HDLBP: variants seen among roughly 807,000 people sequenced by gnomAD.
HDLBP encodes the protein high density lipoprotein binding protein.
In HDLBP, 30 loss-of-function variants were observed where a neutral mutation model predicts 137.3. That is an observed-to-expected ratio of 0.22 (90% CI 0.16 to 0.30). The LOEUF is 0.30. Ranked by LOEUF, HDLBP falls within the 10% of genes least tolerant of loss-of-function variation. The pLI is 1.00. For missense variants in HDLBP, 1,119 were observed against 1,667.3 expected, an observed-to-expected ratio of 0.67 and a Z score of 5.73; for synonymous variants, 606 against 596.0, an observed-to-expected ratio of 1.02 and a Z score of -0.24.
rs957203217 is a variant in HDLBP, at chr2:241,240,817, C to T, written c.2170-695G>A. Among the ~76,000 whole-genome samples, 6 of 152,156 alleles carry T rather than the reference C, an allele frequency of 3.9e-5. No individual in the cohort carries two copies. The highest frequency in any genetic ancestry group is 1.3e-4 in the Admixed American group (2 of 15,276). ...TGTGGACACCAGTGCTTCTGGCAGA[C>T]CCACGCAGGGGCCCCGAGAAGGGCG... is the stretch of plus-strand genomic sequence containing the variant. On this transcript the variant is annotated intron_variant, in intron 17 of 27. Transcript: ENST00000310931. The surrounding 1 kb of genome is among the most constrained non-coding windows in gnomAD (Gnocchi z 5.5).
rs1275433961 is a variant in HDLBP at position 241,255,128 on chromosome 2, C to T, written c.1111G>A (p.Ala371Thr). 1.9e-6 allele frequency: 3 copies of T among 1,614,046 alleles called. No homozygotes were observed. The highest frequency in any genetic ancestry group is 2.5e-6 in the Non-Finnish European group (3 of 1,179,994). ...ANSFTVSSVA[A>T]PSWLHRFIIG... ...ATGAAACGGTGAAGCCAGGAAGGGGCGGCGACAGAGGAGACGGTGAAGCTA... is the reference window on the plus strand; with the variant it reads ...ATGAAACGGTGAAGCCAGGAAGGGGTGGCGACAGAGGAGACGGTGAAGCTA... The change falls in exon 9 of 28, where the codon GCC becomes ACC. Residue 371 changes from alanine (A) to threonine (T), a missense_variant. Transcript: ENST00000310931.
At chr2:241,288,572 T>C (rs925526040) in intron 1 of HDLBP, among the ~76,000 whole-genome samples, 2 of 152,194 alleles carry the variant, frequency 1.3e-5, no homozygotes, top group Admixed American at 6.5e-5. Flanking sequence ...CCTTAGGGTC[T>C]CCTCCATCTT....
At chr2:241,262,976 C>A in intron 4 of HDLBP, 50 bp from the exon 5 acceptor site, 1 of 1,401,968 alleles carries the variant, frequency 7.1e-7, no homozygotes, top group African/African-American at 1.4e-5. Flanking sequence ...AAAAGAAGGC[C>A]AACAGATAGG....
intron 11 of HDLBP, chr2:241,250,625 G>A (rs767510239): frequency 6.6e-6 from 1 of 152,592 alleles, no homozygotes; most frequent in Non-Finnish European, 1.5e-5. Context: ...AACAAGGCAG[G>A]AATCTTGCCC....
chr2:241,239,515 C>CA lies in HDLBP; in HGVS notation c.2610+86_2610+87insT. The CA allele has an allele frequency of 9.0e-7, 1 of 1,113,890 alleles. No individual in the cohort carries two copies. The allele number at this position is 1,113,890 out of a possible 1,614,324, so 69.0% of individuals were successfully genotyped here. The stretch of plus-strand genomic sequence containing the variant: ...AGGGCTGTATGAGGGAGTCACCTCC[C>CA]TACAGGGTGGAGCGAACACTCATAC... On this transcript the variant is annotated intron_variant, in intron 19 of 27. Transcript: ENST00000310931. The surrounding 1 kb of genome is among the most constrained non-coding windows in gnomAD (Gnocchi z 4.6).
At chr2:241,241,670 A>C (rs1427129497) in intron 17 of HDLBP, among the ~76,000 whole-genome samples, 1 of 151,852 alleles carries the variant, frequency 6.6e-6, no homozygotes, top group African/African-American at 2.4e-5. Context: ...AGGTCAACAT[A>C]CAAAAACCAC....
chr2:241,235,108 A>ACCTCCTGCTCACCCGGT lies in HDLBP; in HGVS notation c.3140_3144+12dup. 1 of 1,610,968 alleles carries ACCTCCTGCTCACCCGGT rather than the reference A, an allele frequency of 6.2e-7. No individual in the cohort carries two copies. The highest frequency in any genetic ancestry group is 8.5e-7 in the Non-Finnish European group (1 of 1,179,668). On this transcript the variant is annotated intron_variant, in intron 23 of 27. Transcript: ENST00000310931. ...CATGGCTCTGGGCAGTGCCCCGGCC[A>ACCTCCTGCTCACCCGGT]CCTCCTGCTCACCCGGTCCTCCTGC...
chr2:241,229,495 C>T lies in HDLBP; in HGVS notation c.*106G>A, dbSNP rs1008475240. 6.2e-6 allele frequency: 5 copies of T among 803,884 alleles called. No homozygotes were observed. The highest frequency in any genetic ancestry group is 5.2e-5 in the African/African-American group (3 of 58,224). The allele number at this position is 803,884 out of a possible 1,614,324, so 49.8% of individuals were successfully genotyped here. A position where few individuals can be genotyped will look rare whatever the true frequency, so the allele number is the denominator to read the frequency against. ...GCGGGACCTCGGGAAGGGGGAAGAG[C>T]GTCAACAATTTACGGAGGGTCCAGC... On this transcript the variant is annotated 3_prime_UTR_variant, in exon 28 of 28. Coordinates refer to ENST00000310931, the MANE Select transcript of HDLBP (RefSeq NM_005336.6).
At chr2:241,264,093 G>A (rs2073438672) in intron 4 of HDLBP, among the ~76,000 whole-genome samples, 1 of 138,900 alleles carries the variant, frequency 7.2e-6, no homozygotes, top group Non-Finnish European at 1.7e-5. Flanking sequence ...GCCGGGCGCG[G>A]TGGCTCATGC....
chr2:241,273,308 TTA>T, intron 1 of HDLBP: 1 of 882,086 alleles, frequency 1.1e-6, no homozygotes, highest in Non-Finnish European at 1.4e-6. Flanking sequence ...TCCCTCACTT[TTA>T]TAAACTATCC....
chr2:241,236,580 T>C (rs1559481284), intron 21 of HDLBP, 35 bp downstream of exon 21: 2 of 1,608,866 alleles, frequency 1.2e-6, no homozygotes, highest in Non-Finnish European at 1.7e-6. Flanking sequence ...GACTGGGCCT[T>C]GGCGGGGGGT....
Position 241,238,701 on chromosome 2 carries a change from A to G in HDLBP, c.2697T>C (p.Ile899=). 1.3e-6 allele frequency: 2 copies of G among 1,589,820 alleles called. No individual in the cohort carries two copies. The highest frequency in any genetic ancestry group is 2.7e-5 in the African/African-American group (2 of 74,666). The change falls in exon 20 of 28, where the codon ATT becomes ATC. Residue 899 remains isoleucine, a synonymous_variant. Coordinates refer to ENST00000310931, the MANE Select transcript of HDLBP (RefSeq NM_005336.6). This position sits in a 1 kb window ranked among gnomAD's most constrained non-coding sequence, Gnocchi z 4.9. ...MGPKGSRIQQ[I]TRDFSVQIKF... is the part of the protein sequence containing the mutation. ...TAATTTGAACACTGAAATCCCGAGTAATCTGCTGGATTCTGGAACCTTTGG... is the reference window on the plus strand; with the variant it reads ...TAATTTGAACACTGAAATCCCGAGTGATCTGCTGGATTCTGGAACCTTTGG...
At chr2:241,277,947 G>T (rs1009156448) in intron 1 of HDLBP, among the ~76,000 whole-genome samples, 1 of 151,974 alleles carries the variant, frequency 6.6e-6, no homozygotes, top group Non-Finnish European at 1.5e-5. Flanking sequence ...GGAAACAAAA[G>T]TGAAACTCCA....
intron 24 of HDLBP, among the ~76,000 whole-genome samples, chr2:241,231,960 C>T (rs572590658): frequency 2.0e-5 from 3 of 151,838 alleles, no homozygotes; most frequent in South Asian, 2.1e-4. Flanking sequence ...ACCATCATCA[C>T]GCAACAGGAC....
rs573778682 is a variant in HDLBP at position 241,272,642 on chromosome 2, G to A, written c.-102-4101C>T. ...GGCCCGGGTGGGGGCCGCGGCACCCGGGCCCCTCCCCCTCCGCGGCCTCCA... is the reference window on the plus strand; with the variant it reads ...GGCCCGGGTGGGGGCCGCGGCACCCAGGCCCCTCCCCCTCCGCGGCCTCCA... On this transcript the variant is annotated intron_variant, in intron 1 of 27. Transcript: ENST00000310931. The surrounding 1 kb of genome is among the most constrained non-coding windows in gnomAD (Gnocchi z 5.6). 1.2e-3 allele frequency: 1,164 copies of A among 960,298 alleles called. 7 individuals are homozygous for A. The African/African-American group carries it at 0.018, about 15-fold the overall frequency. 59.5% of individuals were successfully genotyped at this position (960,298 alleles called of 1,614,324 possible).
chr2:241,298,259 A>G (rs899974883), intron 1 of HDLBP, among the ~76,000 whole-genome samples: 6 of 151,810 alleles, frequency 4.0e-5, no homozygotes, highest in Admixed American at 1.3e-4. Flanking sequence ...TCAGCTACTC[A>G]GGAGACTGAG....
intron 1 of HDLBP, among the ~76,000 whole-genome samples, chr2:241,286,765 C>CAAAAAAT (rs2074827890): frequency 6.6e-6 from 1 of 151,470 alleles, no homozygotes; most frequent in Admixed American, 6.6e-5. Flanking sequence ...CTGTCTCTAC[C>CAAAAAAT]AAAAAATAAA....
At chr2:241,250,271 T>TA in intron 11 of HDLBP, 1 of 275,262 alleles carries the variant, frequency 3.6e-6, no homozygotes, top group Non-Finnish European at 6.8e-6. Flanking sequence ...CAGTCTGGGA[T>TA]TTAGCTCGTC....
At chr2:241,293,192 G>A (rs1258107268) in intron 1 of HDLBP, among the ~76,000 whole-genome samples, 1 of 149,800 alleles carries the variant, frequency 6.7e-6, no homozygotes, top group Non-Finnish European at 1.5e-5. Context: ...GGAACAAAAA[G>A]AATTGATGAA....
Sources: gnomAD v4.1 joint callset for allele counts (sites outside exome capture counted in the v4.1 genomes callset) on GRCh38, gnomAD v4.1.1 for gene constraint, Gnocchi (gnomAD v3.1) non-coding constraint, MANE v1.5 for transcripts, NCBI Gene and HGNC (gene_info 2026-07-23, HGNC 2026-07-21) for gene names.